The following GALNT13 variants were observed in gnomAD, a reference collection of about 807,000 sequenced individuals.
GALNT13 encodes the protein polypeptide N-acetylgalactosaminyltransferase 13, also known as UDP-GalNAc:polypeptide N-acetylgalactosaminyltransferase 13.
Under a neutral mutation model 64.2 loss-of-function variants are expected in GALNT13, and 28 were observed. The observed-to-expected ratio is 0.44, with a 90% CI of 0.32 to 0.60. The LOEUF is 0.60. Ranked by LOEUF, GALNT13 falls within the 20% of genes least tolerant of loss-of-function variation. The pLI, the probability that GALNT13 is intolerant of heterozygous loss-of-function variation, is 0.05. For missense variants in GALNT13, 577 were observed against 669.8 expected (o/e 0.86, Z 1.53); for synonymous variants, 214 against 224.6 (o/e 0.95, Z 0.42).
chr2:153,174,195 G>A, the GALNT13 span, among the ~76,000 whole-genome samples: 1 of 152,152 alleles, frequency 6.6e-6, no homozygotes, highest in African/African-American at 2.4e-5. Context: ...TTAGCCTGCT[G>A]GCCTCTGACC....
chr2:153,557,490 T>C, the GALNT13 span, among the ~76,000 whole-genome samples: 1 of 152,190 alleles, frequency 6.6e-6, no homozygotes, highest in Non-Finnish European at 1.5e-5. Flanking sequence ...GCCAAGGCTA[T>C]GAGTTACAGC....
chr2:154,352,345 T>G (rs2105259125), intron 9 of GALNT13, among the ~76,000 whole-genome samples: 1 of 152,318 alleles, frequency 6.6e-6, no homozygotes, highest in South Asian at 2.1e-4. Context: ...CCAAGACTGG[T>G]TTCCCCCAAA....
At chr2:154,357,087 C>T (rs890529142) in intron 9 of GALNT13, among the ~76,000 whole-genome samples, 1 of 152,000 alleles carries the variant, frequency 6.6e-6, no homozygotes, top group Non-Finnish European at 1.5e-5. Context: ...GATCTATCTT[C>T]TAATTGCTTT....
the GALNT13 span, among the ~76,000 whole-genome samples, chr2:153,621,543 G>A: frequency 1.3e-3 from 198 of 152,224 alleles, no homozygotes; most frequent in Non-Finnish European, 2.2e-3. Context: ...GGGCAGCAAT[G>A]TTCCCCAGGC....
At chr2:153,913,449 A>G (rs1689121056) in intron 2 of GALNT13, among the ~76,000 whole-genome samples, 1 of 152,136 alleles carries the variant, frequency 6.6e-6, no homozygotes, top group Admixed American at 6.5e-5. Flanking sequence ...CAGTTCCCCT[A>G]AGGCTAAAGT....
At chr2:154,101,147 G>A (rs751066383) in intron 3 of GALNT13, among the ~76,000 whole-genome samples, 8 of 145,178 alleles carry the variant, frequency 5.5e-5, no homozygotes, top group Non-Finnish European at 1.0e-4. Context: ...GTTTATCAGG[G>A]ATATTTTTGT....
At chr2:153,166,705 C>G in the GALNT13 span, among the ~76,000 whole-genome samples, 1 of 150,322 alleles carries the variant, frequency 6.7e-6, no homozygotes, top group Non-Finnish European at 1.5e-5. Context: ...TTCTCAGATA[C>G]TCTCTGGGAT....
the GALNT13 span, among the ~76,000 whole-genome samples, chr2:153,810,103 G>T: frequency 1.1e-4 from 16 of 152,096 alleles, no homozygotes; most frequent in African/African-American, 3.9e-4. Context: ...TGGGACTGCA[G>T]GCGCCCGCCA....
At chr2:153,842,170 T>C in the GALNT13 span, among the ~76,000 whole-genome samples, 1 of 152,114 alleles carries the variant, frequency 6.6e-6, no homozygotes, top group Admixed American at 6.6e-5. Flanking sequence ...TCCTACAGCA[T>C]CAGAGAACTA....
At chr2:154,064,795 C>A (rs1385710997) in intron 3 of GALNT13, among the ~76,000 whole-genome samples, 1 of 152,094 alleles carries the variant, frequency 6.6e-6, no homozygotes, top group Non-Finnish European at 1.5e-5. Flanking sequence ...TGTGATCCAG[C>A]AATTCCCAGC....
At chr2:154,027,131 A>G (rs368001652) in intron 3 of GALNT13, among the ~76,000 whole-genome samples, 7 of 152,270 alleles carry the variant, frequency 4.6e-5, no homozygotes, top group East Asian at 3.9e-4. Context: ...TACCTATCTA[A>G]ACAACTATTT....
chr2:154,339,964 C>T (rs1377837979), intron 9 of GALNT13, among the ~76,000 whole-genome samples: 1 of 151,976 alleles, frequency 6.6e-6, no homozygotes. Context: ...TGTTTTCTAC[C>T]ACAGAGGTAT....
the GALNT13 span, among the ~76,000 whole-genome samples, chr2:153,823,299 A>G: frequency 2.0e-5 from 3 of 152,190 alleles, no homozygotes; most frequent in Non-Finnish European, 2.9e-5. Flanking sequence ...GAACTCAAAA[A>G]GTGCCTGAAT....
intron 3 of GALNT13, among the ~76,000 whole-genome samples, chr2:154,102,788 AT>A (rs1275783094): frequency 2.0e-5 from 3 of 152,120 alleles, no homozygotes; most frequent in Non-Finnish European, 2.9e-5. Context: ...GTTTCGTAAT[AT>A]TTGTTTTATG....
chr2:153,248,571 T>TG, the GALNT13 span, among the ~76,000 whole-genome samples: 2 of 151,846 alleles, frequency 1.3e-5, no homozygotes, highest in Non-Finnish European at 2.9e-5. Context: ...CCCAGCACTT[T>TG]GGGAGGCTGA....
chr2:153,718,782 C>T, the GALNT13 span, among the ~76,000 whole-genome samples: 2 of 152,142 alleles, frequency 1.3e-5, no homozygotes, highest in South Asian at 4.1e-4. Flanking sequence ...ATTCTGCTGA[C>T]CTCACAGTGT....
At chr2:153,905,230 G>A (rs900694581) in intron 2 of GALNT13, among the ~76,000 whole-genome samples, 2 of 151,814 alleles carry the variant, frequency 1.3e-5, no homozygotes, top group African/African-American at 4.8e-5. Flanking sequence ...TTTTTAAAGA[G>A]CTGGTGTAAT....
At chr2:154,341,771 T>A (rs979443107) in intron 9 of GALNT13, among the ~76,000 whole-genome samples, 2 of 152,226 alleles carry the variant, frequency 1.3e-5, no homozygotes, top group African/African-American at 4.8e-5. Flanking sequence ...TCACTCTGAA[T>A]CCTCTATGGA....
At chr2:153,209,071 C>T in the GALNT13 span, among the ~76,000 whole-genome samples, 1 of 145,344 alleles carries the variant, frequency 6.9e-6, no homozygotes, top group Non-Finnish European at 1.5e-5. Flanking sequence ...CTCTGCCTCC[C>T]GGTTCACGCC....
Sources: allele counts gnomAD v4.1 joint callset (sites outside exome capture counted in the v4.1 genomes callset), GRCh38; gene constraint gnomAD v4.1.1; transcripts MANE v1.5; gene names NCBI Gene and HGNC (gene_info 2026-07-23, HGNC 2026-07-21).